Variants in ZRANB3 observed in about 807,000 individuals in gnomAD.
The protein encoded by ZRANB3 is DNA annealing helicase and endonuclease ZRANB3.
ZRANB3 carries 125 observed loss-of-function variants against 133.8 expected under a neutral mutation model. That is an observed-to-expected ratio of 0.93 (90% CI 0.81 to 1.08). ZRANB3 has a LOEUF of 1.08. Ranked by LOEUF, ZRANB3 falls within the 50% of genes least tolerant of loss-of-function variation. The pLI, the probability that ZRANB3 is intolerant of heterozygous loss-of-function variation, is 0.00. For missense variants in ZRANB3, 1,229 were observed against 1,275.5 expected (o/e 0.96, Z 0.56); for synonymous variants, 387 against 432.7 (o/e 0.89, Z 1.31).
At chr2:135,215,961 A>G (rs894635834) in intron 17 of ZRANB3, among the ~76,000 whole-genome samples, 3 of 152,122 alleles carry the variant, frequency 2.0e-5, no homozygotes, top group African/African-American at 7.2e-5. Flanking sequence ...ACGGGACCAA[A>G]TTGCTCCAAA....
intron 2 of ZRANB3, among the ~76,000 whole-genome samples, chr2:135,444,611 G>A (rs1689935178): frequency 6.6e-6 from 1 of 152,140 alleles, no homozygotes; most frequent in Non-Finnish European, 1.5e-5. Flanking sequence ...AAGGTAAACT[G>A]TAAAGAAGGA....
At position 135,271,819 on chromosome 2, in the gene ZRANB3, T is replaced by C; in HGVS notation, c.1155A>G (p.Gln385=). 1 of 1,613,904 alleles carries C rather than the reference T, an allele frequency of 6.2e-7. No individual in the cohort carries two copies. The highest frequency in any genetic ancestry group is 8.5e-7 in the Non-Finnish European group (1 of 1,179,856). ...TAGCCACGCGAGTGTCAGGATCCTT[T>C]TGAAACTGATTAACCAGATGTATTC... ...SERIHLVNQF[Q]KDPDTRVAIL... Residue 385 remains glutamine (Q), a synonymous_variant, in exon 10 of 21, where the codon CAA becomes CAG. Coordinates refer to ENST00000264159, the MANE Select transcript of ZRANB3 (RefSeq NM_032143.4).
At chr2:135,202,775 C>T (rs1693676544) in intron 20 of ZRANB3, 57 bp downstream of exon 20, 2 of 1,543,676 alleles carry the variant, frequency 1.3e-6, no homozygotes, top group South Asian at 2.4e-5. Flanking sequence ...ACTGTGTGCA[C>T]AATTTTCCAT....
rs1273584306 is a variant in ZRANB3 at position 135,420,124 on chromosome 2, T to TATAA, written c.162-29305_162-29304insTTAT. On this transcript the variant is annotated intron_variant, in intron 2 of 20. Transcript: ENST00000264159. Reference sequence around the variant, plus strand: ...ATATATATATATATATATATATATATAACTTATAGAGGATATTTCTAGAAG... The same window carrying TATAA: ...ATATATATATATATATATATATATATATAAAACTTATAGAGGATATTTCTAGAAG... Among the ~76,000 whole-genome samples the TATAA allele has an allele frequency of 4.0e-3, 361 of 91,314 alleles. 4 individuals are homozygous for TATAA. Among genetic ancestry groups the TATAA allele is most frequent in the African/African-American group, 0.023 (333 of 14,330 alleles). 59.9% of individuals were successfully genotyped at this position (91,314 alleles called of 152,430 possible).
chr2:135,245,537 C>T (rs768929067), intron 12 of ZRANB3, among the ~76,000 whole-genome samples: 4 of 151,874 alleles, frequency 2.6e-5, no homozygotes, highest in Non-Finnish European at 5.9e-5. Context: ...ATGCAACCTC[C>T]GCCTCCCTGG....
intron 8 of ZRANB3, among the ~76,000 whole-genome samples, chr2:135,282,892 C>G (rs1213241181): frequency 6.6e-6 from 1 of 152,038 alleles, no homozygotes; most frequent in African/African-American, 2.4e-5. Context: ...TCCATTTACC[C>G]AAAATTTACC....
intron 2 of ZRANB3, among the ~76,000 whole-genome samples, chr2:135,435,185 T>C (rs1385819359): frequency 6.6e-6 from 1 of 151,562 alleles, no homozygotes; most frequent in East Asian, 2.0e-4. Context: ...TTGTTTCCCC[T>C]TCTTTGTGTT....
intron 6 of ZRANB3, among the ~76,000 whole-genome samples, chr2:135,340,821 A>T (rs1481284328): frequency 7.2e-6 from 1 of 139,824 alleles, no homozygotes; most frequent in Non-Finnish European, 1.5e-5. Flanking sequence ...GCACCATTGC[A>T]CCCCAGGCTG....
rs954876226 is a variant in ZRANB3 at position 135,217,618 on chromosome 2, A to G, written c.2353-11T>C. 1.2e-5 allele frequency: 19 copies of G among 1,609,552 alleles called. No individual in the cohort carries two copies. The highest frequency in any genetic ancestry group is 1.5e-5 in the Non-Finnish European group (18 of 1,178,804). On this transcript the variant is annotated splice_polypyrimidine_tract_variant and intron_variant, in intron 16 of 20. Transcript: ENST00000264159. ...AACAAATCTCAAAATCTGGCAGAAAATGAGATAATAAGAGTTAACAGCTCA... is the reference window on the plus strand; with the variant it reads ...AACAAATCTCAAAATCTGGCAGAAAGTGAGATAATAAGAGTTAACAGCTCA...
intron 8 of ZRANB3, among the ~76,000 whole-genome samples, chr2:135,286,182 G>A (rs543939643): frequency 2.0e-5 from 3 of 152,282 alleles, no homozygotes; most frequent in Admixed American, 2.0e-4. Flanking sequence ...CCTGGGCAGT[G>A]TACACTGCAT....
chr2:135,418,448 G>A (rs1314721190), intron 2 of ZRANB3, among the ~76,000 whole-genome samples: 2 of 152,102 alleles, frequency 1.3e-5, no homozygotes, highest in African/African-American at 4.8e-5. Context: ...AATGCATTTA[G>A]AGGTTTTTTT....
intron 3 of ZRANB3, among the ~76,000 whole-genome samples, chr2:135,389,135 A>G (rs1296727428): frequency 6.6e-6 from 1 of 152,164 alleles, no homozygotes; most frequent in East Asian, 1.9e-4. Flanking sequence ...AAAAGAACTC[A>G]TCTTGTTTCA....
At chr2:135,272,776 C>A (rs1176183257) in intron 9 of ZRANB3, among the ~76,000 whole-genome samples, 1 of 152,082 alleles carries the variant, frequency 6.6e-6, no homozygotes, top group Non-Finnish European at 1.5e-5. Flanking sequence ...GAGGCACCCA[C>A]ACACATTTTT....
Position 135,217,464 on chromosome 2 carries a change from C to T in ZRANB3, c.2495+1G>A. 4.4e-6 allele frequency: 7 copies of T among 1,603,238 alleles called. No individual in the cohort carries two copies. The highest frequency in any genetic ancestry group is 6.0e-6 in the Non-Finnish European group (7 of 1,176,360). On this transcript the variant is annotated splice_donor_variant, in intron 17 of 20. Transcript: ENST00000264159. LOFTEE classifies it high-confidence loss of function. ...AAAATTTAAAAAAAGACAACTCATA[C>T]CTTTTGGTGCAATTTTGTTTGGTTT... is the stretch of plus-strand genomic sequence containing the variant.
chr2:135,506,443 T>C (rs765525883), intron 1 of ZRANB3, among the ~76,000 whole-genome samples: 1 of 151,578 alleles, frequency 6.6e-6, no homozygotes. Context: ...GAGGGAACGG[T>C]GTAAGATGAA....
intron 8 of ZRANB3, among the ~76,000 whole-genome samples, chr2:135,290,385 T>C (rs1002891959): frequency 6.6e-6 from 1 of 152,216 alleles, no homozygotes; most frequent in Non-Finnish European, 1.5e-5. Context: ...TGCTTTAAAG[T>C]CTGTTTTTTT....
intron 7 of ZRANB3, 24 bp downstream of exon 7, chr2:135,315,334 CT>C: frequency 6.8e-7 from 1 of 1,479,158 alleles, no homozygotes; most frequent in Non-Finnish European, 8.9e-7. Context: ...TAAAGTAAGA[CT>C]TTAAATCAAG....
At chr2:135,490,030 C>T (rs965375331) in intron 2 of ZRANB3, among the ~76,000 whole-genome samples, 10 of 152,082 alleles carry the variant, frequency 6.6e-5, no homozygotes, top group Non-Finnish European at 1.5e-4. Context: ...AAGACATATT[C>T]TAGTACTGGA....
intron 2 of ZRANB3, among the ~76,000 whole-genome samples, chr2:135,471,094 C>T (rs909210101): frequency 6.9e-6 from 1 of 145,722 alleles, no homozygotes; most frequent in Middle Eastern, 3.2e-3. Context: ...AGCCACTGCA[C>T]CCGGCCTCAC....
Sources: gnomAD v4.1 joint callset for allele counts (sites outside exome capture counted in the v4.1 genomes callset) on GRCh38, gnomAD v4.1.1 for gene constraint, MANE v1.5 for transcripts, NCBI Gene and HGNC (gene_info 2026-07-23, HGNC 2026-07-21) for gene names.